NOX3: variants seen among roughly 807,000 people sequenced by gnomAD.
NOX3 encodes the protein NADPH oxidase catalytic subunit-like 3.
NOX3 carries 74 observed loss-of-function variants against 76.7 expected under a neutral mutation model. That is an observed-to-expected ratio of 0.96 (90% CI 0.80 to 1.17). The LOEUF is 1.17. Ranked by LOEUF, NOX3 falls within the 50% of genes most tolerant of loss-of-function variation. The pLI, the probability that NOX3 is intolerant of heterozygous loss-of-function variation, is 0.00. For synonymous variants in NOX3, 263 were observed against 261.1 expected (o/e 1.01, Z -0.07); for missense variants, 695 against 703.3 (o/e 0.99, Z 0.13).
chr6:155,396,973 G>T lies in NOX3; in HGVS notation c.1581-11C>A, dbSNP rs758683107. ...ACGCCAATACTGCTGCTGCAGTAGG[G>T]GTAAGAAAAGGAAATAAAATGTCAC... On this transcript the variant is annotated splice_polypyrimidine_tract_variant and intron_variant, in intron 12 of 13. Transcript: ENST00000159060. The T allele has an allele frequency of 6.3e-7, 1 of 1,595,376 alleles. No individual in the cohort carries two copies. Among genetic ancestry groups the T allele is most frequent in the Non-Finnish European group, 8.5e-7 (1 of 1,171,834 alleles).
Position 155,422,774 on chromosome 6 carries a change from C to T in NOX3, c.1228G>A (p.Gly410Arg), listed in dbSNP as rs750663085. 27 of 1,614,032 alleles carry T rather than the reference C, an allele frequency of 1.7e-5. No homozygotes were observed. Among genetic ancestry groups the T allele is most frequent in the Middle Eastern group, 3.3e-4 (2 of 6,084 alleles). The change falls in exon 10 of 14, where the codon GGA becomes AGA. Residue 410 changes from glycine to arginine, a missense_variant. Coordinates refer to ENST00000159060, the MANE Select transcript of NOX3 (RefSeq NM_015718.3). ...AGAAGAGCAGCGAAGGGAGTGACTC[C>T]GATCCCCGCGGCAACGCACACACAC... ...PVCVCVAAGI[G>R]VTPFAALLKS... is the part of the protein sequence containing the mutation.
At chr6:155,403,989 A>G (rs1420594369) in intron 12 of NOX3, among the ~76,000 whole-genome samples, 2 of 152,140 alleles carry the variant, frequency 1.3e-5, no homozygotes, top group Non-Finnish European at 2.9e-5. Context: ...CAATCCTAAT[A>G]AAGACTGAGA....
Position 155,443,276 on chromosome 6 carries a change from G to A in NOX3, c.483C>T (p.Pro161=). 6.2e-7 allele frequency: 1 copy of A among 1,612,340 alleles called. No individual in the cohort carries two copies. The part of the protein sequence containing the change: ...ESYLNPVRTF[P]TNTTTELLRT... ...TTGTTAGCATGCAGGAACTCACTGT[G>A]GGGAAGGTCCGGACAGGGTTGAGGT... Residue 161 remains proline, a synonymous_variant, in exon 5 of 14, where the codon CCC becomes CCT. Coordinates refer to ENST00000159060, the MANE Select transcript of NOX3 (RefSeq NM_015718.3).
At chr6:155,415,950 C>G (rs1776616983) in intron 10 of NOX3, among the ~76,000 whole-genome samples, 3 of 152,360 alleles carry the variant, frequency 2.0e-5, no homozygotes, top group Admixed American at 2.0e-4. Flanking sequence ...TGTGTTCCCA[C>G]TGGTCACTCC....
At chr6:155,426,849 A>C (rs1323702441) in intron 9 of NOX3, among the ~76,000 whole-genome samples, 2 of 151,988 alleles carry the variant, frequency 1.3e-5, no homozygotes, top group African/African-American at 4.8e-5. Context: ...CTGGTTTGTG[A>C]AGGGGAAGGG....
intron 11 of NOX3, 34 bp from the exon 12 acceptor site, chr6:155,407,288 G>GAA (rs138490015): frequency 2.4e-5 from 34 of 1,439,110 alleles, no homozygotes; most frequent in African/African-American, 7.4e-5. Context: ...ATGACATTTA[G>GAA]AAAAAAAAAA....
At chr6:155,414,491 G>C (rs1427728506) in intron 10 of NOX3, among the ~76,000 whole-genome samples, 1 of 151,150 alleles carries the variant, frequency 6.6e-6, no homozygotes, top group East Asian at 1.9e-4. Context: ...AAATACCTGA[G>C]TTTACTTTAA....
At chr6:155,414,076 T>G (rs1454935844) in intron 10 of NOX3, among the ~76,000 whole-genome samples, 2 of 152,234 alleles carry the variant, frequency 1.3e-5, no homozygotes, top group Non-Finnish European at 1.5e-5. Flanking sequence ...AATGGCTTTG[T>G]GTGTTTTTCC....
At chr6:155,429,263 A>G (rs2114694760) in intron 8 of NOX3, among the ~76,000 whole-genome samples, 1 of 152,338 alleles carries the variant, frequency 6.6e-6, no homozygotes. Flanking sequence ...AGAGGGTGGC[A>G]TTTGAAATAG....
intron 6 of NOX3, among the ~76,000 whole-genome samples, chr6:155,436,768 C>T (rs547777059): frequency 6.6e-6 from 1 of 152,254 alleles, no homozygotes; most frequent in South Asian, 2.1e-4. Context: ...AAGGGCCCCT[C>T]TGTGGTATCC....
chr6:155,398,547 T>C (rs1178225552), intron 12 of NOX3, among the ~76,000 whole-genome samples: 5 of 152,364 alleles, frequency 3.3e-5, no homozygotes, highest in Non-Finnish European at 7.3e-5. Flanking sequence ...AAGGAACTTA[T>C]CAATGGCTTA....
At chr6:155,434,852 C>T (rs1776880856) in intron 7 of NOX3, among the ~76,000 whole-genome samples, 1 of 152,108 alleles carries the variant, frequency 6.6e-6, no homozygotes, top group African/African-American at 2.4e-5. Flanking sequence ...GTTATCTGTC[C>T]TAACACTGGG....
chr6:155,422,613 C>T lies in NOX3; in HGVS notation c.1308+81G>A, dbSNP rs552851438. 6 of 1,350,848 alleles carry T rather than the reference C, an allele frequency of 4.4e-6. No individual in the cohort carries two copies. The African/African-American group carries it at 8.7e-5, about 20-fold the overall frequency. The allele number at this position is 1,350,848 out of a possible 1,614,324, so 83.7% of individuals were successfully genotyped here. A position where few individuals can be genotyped will look rare whatever the true frequency, so the allele number is the denominator to read the frequency against. The stretch of plus-strand genomic sequence containing the variant: ...ATCCCTCATAGTTAATTAAAATCCT[C>T]CCCAAGAATCGGCAGATGATAGATA... On this transcript the variant is annotated intron_variant, in intron 10 of 13. Transcript: ENST00000159060.
At chr6:155,418,868 C>T (rs1482950877) in intron 10 of NOX3, among the ~76,000 whole-genome samples, 1 of 152,180 alleles carries the variant, frequency 6.6e-6, no homozygotes, top group Non-Finnish European at 1.5e-5. Flanking sequence ...AAAATGTATG[C>T]CTTATGCCAA....
At chr6:155,443,459 T>G (rs1777021691) in intron 4 of NOX3, 41 bp from the exon 5 acceptor site, 1 of 1,597,210 alleles carries the variant, frequency 6.3e-7, no homozygotes, top group Admixed American at 1.7e-5. Flanking sequence ...CCCTGTGGCT[T>G]GCTTTCTCCC....
chr6:155,453,391 A>C lies in NOX3; in HGVS notation c.340+13T>G. 1 of 1,588,986 alleles carries C rather than the reference A, an allele frequency of 6.3e-7. No individual in the cohort carries two copies. The highest frequency in any genetic ancestry group is 8.6e-7 in the Non-Finnish European group (1 of 1,157,100). On this transcript the variant is annotated intron_variant, in intron 4 of 13. Transcript: ENST00000159060. Reference sequence around the variant, plus strand: ...ATATTGTAAAATCCATTGAGCAATTAATAAGTACTTACTTGCATTAACAGC... The same window carrying C: ...ATATTGTAAAATCCATTGAGCAATTCATAAGTACTTACTTGCATTAACAGC...
chr6:155,429,912 G>T (rs1036411427), intron 8 of NOX3, among the ~76,000 whole-genome samples: 1 of 152,168 alleles, frequency 6.6e-6, no homozygotes, highest in Non-Finnish European at 1.5e-5. Context: ...CTGTTAAATG[G>T]TCTCCCTCGT....
intron 4 of NOX3, among the ~76,000 whole-genome samples, chr6:155,445,425 C>T (rs566907808): frequency 1.3e-5 from 2 of 152,212 alleles, no homozygotes; most frequent in African/African-American, 4.8e-5. Flanking sequence ...TGAGAATATT[C>T]GTGTCATTTT....
chr6:155,454,840 G>C lies in NOX3; in HGVS notation c.226C>G (p.Leu76Val), dbSNP rs368167688. 3.1e-6 allele frequency: 5 copies of C among 1,600,120 alleles called. No individual in the cohort carries two copies. Among genetic ancestry groups the C allele is most frequent in the Non-Finnish European group, 4.3e-6 (5 of 1,175,336 alleles). ...CTTGTTCCTCTTATGAATGAAATAA[G>C]GTTTCGACTGACAGGTATTAGAATT... The part of the protein sequence containing the change: ...MLILIPVSRN[L>V]ISFIRGTSIC... The change falls in exon 3 of 14, where the codon CTT becomes GTT. Residue 76 changes from leucine to valine, a missense_variant. Coordinates refer to ENST00000159060, the MANE Select transcript of NOX3 (RefSeq NM_015718.3).
Sources: allele counts gnomAD v4.1 joint callset (sites outside exome capture counted in the v4.1 genomes callset), GRCh38; gene constraint gnomAD v4.1.1; transcripts MANE v1.5; gene names NCBI Gene and HGNC (gene_info 2026-07-23, HGNC 2026-07-21).